The following PCDHA10 variants were observed in gnomAD, a reference collection of about 807,000 sequenced individuals.
The protein encoded by PCDHA10 is protocadherin alpha 10, also known as protocadherin alpha-10.
PCDHA10 carries 45 observed loss-of-function variants against 61.2 expected under a neutral mutation model. The observed-to-expected ratio is 0.74, with a 90% CI of 0.58 to 0.94. PCDHA10 has a LOEUF of 0.94. PCDHA10 is among the 40% of genes least tolerant of loss of function. The pLI, the probability that PCDHA10 is intolerant of heterozygous loss-of-function variation, is 0.00. For missense variants in PCDHA10, 1,278 were observed against 1,236.2 expected, an observed-to-expected ratio of 1.03 and a Z score of -0.51; for synonymous variants, 602 against 548.8, an observed-to-expected ratio of 1.10 and a Z score of -1.35.
At chr5:140,944,166 G>A (rs1483002893) in intron 1 of PCDHA10, among the ~76,000 whole-genome samples, 1 of 152,024 alleles carries the variant, frequency 6.6e-6, no homozygotes, top group Non-Finnish European at 1.5e-5. Context: ...AAAGGGCCAA[G>A]GCTGGTTTTT....
At chr5:140,874,217 A>G (rs2054785474) in intron 1 of PCDHA10, among the ~76,000 whole-genome samples, 1 of 152,214 alleles carries the variant, frequency 6.6e-6, no homozygotes, top group African/African-American at 2.4e-5. Flanking sequence ...TATTATATGC[A>G]GTAGGAATGA....
intron 1 of PCDHA10, chr5:140,883,321 C>T: frequency 6.2e-7 from 1 of 1,614,120 alleles, no homozygotes; most frequent in South Asian, 1.1e-5. Flanking sequence ...CAGAGGTTAC[C>T]ATCACTTCTT....
chr5:141,009,482 C>A, intron 3 of PCDHA10, 145 bp from the exon 4 acceptor site: 1 of 1,446,086 alleles, frequency 6.9e-7, no homozygotes, highest in Non-Finnish European at 9.1e-7. Flanking sequence ...TAAACACTTG[C>A]CTTGCCCTCA....
chr5:140,982,362 A>ATTCTGCTC, intron 2 of PCDHA10, 113 bp from the exon 3 acceptor site: 1 of 1,531,968 alleles, frequency 6.5e-7, no homozygotes, highest in Non-Finnish European at 8.8e-7. Context: ...GCATGAGCAG[A>ATTCTGCTC]ATGTGTTAGC....
chr5:140,955,220 A>T (rs1016918569), intron 1 of PCDHA10, among the ~76,000 whole-genome samples: 1 of 152,130 alleles, frequency 6.6e-6, no homozygotes, highest in Non-Finnish European at 1.5e-5. Flanking sequence ...TGATGCCTCC[A>T]GCTTTGTTCT....
chr5:140,869,375 A>C, intron 1 of PCDHA10: 1 of 1,614,116 alleles, frequency 6.2e-7, no homozygotes, highest in Non-Finnish European at 8.5e-7. Flanking sequence ...TCTCGGATCG[A>C]CCGCGAGGAG....
Position 140,883,352 on chromosome 5 carries a change from G to A in PCDHA10, c.2388+24916G>A, listed in dbSNP as rs1554177776. ...TTCTTTGTCACTCCCCATCAGAGAA[G>A]ACACTCAGCCTAGCGCCATTATTGC... is the stretch of plus-strand genomic sequence containing the variant. On this transcript the variant is annotated intron_variant, in intron 1 of 3. Coordinates refer to ENST00000307360, the MANE Select transcript of PCDHA10 (RefSeq NM_018901.4). The A allele has an allele frequency of 1.9e-6, 3 of 1,614,164 alleles. No homozygotes were observed. In the East Asian group the frequency reaches 6.7e-5, roughly 36 times the overall value.
At chr5:140,928,928 C>T in intron 1 of PCDHA10, 3 of 1,614,130 alleles carry the variant, frequency 1.9e-6, no homozygotes, top group Non-Finnish European at 2.5e-6. Context: ...CAGCTTTCTG[C>T]CCAGAACTTG....
At chr5:140,903,824 T>A (rs1439298617) in intron 1 of PCDHA10, among the ~76,000 whole-genome samples, 3 of 152,202 alleles carry the variant, frequency 2.0e-5, no homozygotes, top group Admixed American at 2.0e-4. Context: ...CACATGAATG[T>A]CTGTTGGTAT....
chr5:140,980,522 A>G (rs1341350940), intron 2 of PCDHA10, among the ~76,000 whole-genome samples: 2 of 152,074 alleles, frequency 1.3e-5, no homozygotes, highest in Non-Finnish European at 2.9e-5. Flanking sequence ...TCCAGCTACT[A>G]GGGAGGCTGA....
chr5:140,883,679 G>T (rs781987468), intron 1 of PCDHA10: 1 of 1,613,678 alleles, frequency 6.2e-7, no homozygotes, highest in Non-Finnish European at 8.5e-7. Flanking sequence ...CAATCCGCCG[G>T]GCTGCCACAT....
chr5:140,961,632 A>T (rs373824042), intron 1 of PCDHA10, among the ~76,000 whole-genome samples: 2 of 152,214 alleles, frequency 1.3e-5, no homozygotes, highest in African/African-American at 4.8e-5. Context: ...ATGAAAAACA[A>T]TCTTAAGTCT....
intron 1 of PCDHA10, among the ~76,000 whole-genome samples, chr5:140,960,274 C>A (rs1291069063): frequency 6.6e-6 from 1 of 152,130 alleles, no homozygotes. Context: ...ATTCCGTCAC[C>A]TTTTTGGGAC....
intron 3 of PCDHA10, among the ~76,000 whole-genome samples, chr5:141,000,396 T>TCTATAA (rs2097916207): frequency 7.7e-5 from 5 of 65,332 alleles, no homozygotes; most frequent in African/African-American, 3.1e-4. Context: ...TCTCTCTCTC[T>TCTATAA]ATATATATAT....
intron 1 of PCDHA10, among the ~76,000 whole-genome samples, chr5:140,921,179 GT>G (rs1563044506): frequency 6.6e-6 from 1 of 151,662 alleles, no homozygotes; most frequent in South Asian, 2.1e-4. Context: ...ATAAAGCACA[GT>G]TTTTTCACAA....
intron 1 of PCDHA10, chr5:140,876,809 C>T (rs1554168959): frequency 6.2e-7 from 1 of 1,614,200 alleles, no homozygotes; most frequent in Admixed American, 1.7e-5. Flanking sequence ...GTGGAGGTGG[C>T]CGACGTGAAC....
chr5:141,003,511 C>T (rs2098128112), intron 3 of PCDHA10, among the ~76,000 whole-genome samples: 2 of 152,114 alleles, frequency 1.3e-5, no homozygotes, highest in African/African-American at 4.8e-5. Flanking sequence ...TGGGGTTTCA[C>T]CATGTTCCCT....
At chr5:140,906,540 A>T (rs1375015616) in intron 1 of PCDHA10, among the ~76,000 whole-genome samples, 4 of 152,232 alleles carry the variant, frequency 2.6e-5, no homozygotes, top group African/African-American at 9.6e-5. Context: ...TAAAATCCTC[A>T]TTTCTGCAAC....
At chr5:140,935,134 T>G (rs1358918679) in intron 1 of PCDHA10, among the ~76,000 whole-genome samples, 1 of 152,210 alleles carries the variant, frequency 6.6e-6, no homozygotes. Context: ...TAGTGAAAGA[T>G]GATACTTAGA....
Sources: gnomAD v4.1 joint callset for allele counts (sites outside exome capture counted in the v4.1 genomes callset) on GRCh38, gnomAD v4.1.1 for gene constraint, MANE v1.5 for transcripts, NCBI Gene and HGNC (gene_info 2026-07-23, HGNC 2026-07-21) for gene names.